GLI2: variants seen among roughly 807,000 people sequenced by gnomAD.
GLI2 encodes GLI family zinc finger 2.
GLI2 carries 22 observed loss-of-function variants against 78.9 expected under a neutral mutation model. The ratio of observed to expected loss-of-function variants is 0.28; its 90% CI spans 0.20 to 0.40. The LOEUF (loss-of-function observed/expected upper bound fraction) is 0.40, where lower values mean the gene tolerates loss of function less well. Ranked by LOEUF, GLI2 falls within the 10% of genes least tolerant of loss-of-function variation. The pLI is 1.00. For missense variants in GLI2, 2,097 were observed against 2,213.2 expected (o/e 0.95, Z 1.05); for synonymous variants, 974 against 963.7 (o/e 1.01, Z -0.20).
chr2:120,770,069 A>G (rs1393423135), intron 1 of GLI2, among the ~76,000 whole-genome samples: 2 of 152,150 alleles, frequency 1.3e-5, no homozygotes, highest in Admixed American at 6.5e-5. Flanking sequence ...CCCAGCCCCT[A>G]GTGATAATCA....
chr2:120,970,309 C>G (rs576176718), intron 6 of GLI2, 84 bp from the exon 7 acceptor site: 2 of 771,158 alleles, frequency 2.6e-6, no homozygotes, highest in East Asian at 5.2e-5. Context: ...ATCCCCTGGG[C>G]AAGGTTCTCT....
intron 7 of GLI2, 92 bp downstream of exon 7, chr2:120,970,698 G>A: frequency 9.0e-7 from 1 of 1,108,582 alleles, no homozygotes; most frequent in Non-Finnish European, 1.3e-6. Flanking sequence ...AACTTGTGGA[G>A]GGCCTCTGGA....
intron 2 of GLI2, among the ~76,000 whole-genome samples, chr2:120,854,109 C>A (rs1036735667): frequency 7.2e-5 from 11 of 152,122 alleles, no homozygotes; most frequent in Admixed American, 1.3e-4. Flanking sequence ...TGGAAAAAAA[C>A]CAGCCAAGAG....
chr2:120,899,596 G>A (rs1028505106), intron 2 of GLI2, among the ~76,000 whole-genome samples: 3 of 152,162 alleles, frequency 2.0e-5, no homozygotes, highest in African/African-American at 7.2e-5. Flanking sequence ...AACTTGCAGT[G>A]AACTGAGGGT....
At chr2:120,965,722 G>A (rs369809063) in intron 5 of GLI2, among the ~76,000 whole-genome samples, 19 of 152,338 alleles carry the variant, frequency 1.2e-4, no homozygotes, top group South Asian at 4.1e-4. Flanking sequence ...CCTGTTTGCC[G>A]TCCAGGATCC....
chr2:120,915,017 C>T (rs1679023139), intron 2 of GLI2, among the ~76,000 whole-genome samples: 1 of 152,224 alleles, frequency 6.6e-6, no homozygotes, highest in African/African-American at 2.4e-5. Flanking sequence ...ACCCAAATGG[C>T]ACGGGGCTGG....
At chr2:120,746,652 C>G (rs980147475) in intron 1 of GLI2, among the ~76,000 whole-genome samples, 5 of 152,090 alleles carry the variant, frequency 3.3e-5, no homozygotes, top group Non-Finnish European at 5.9e-5. Flanking sequence ...TCAAGCAAAC[C>G]TCTTTCTCCT....
At chr2:120,932,000 G>A (rs1679965747) in intron 3 of GLI2, among the ~76,000 whole-genome samples, 1 of 152,158 alleles carries the variant, frequency 6.6e-6, no homozygotes, top group Non-Finnish European at 1.5e-5. Flanking sequence ...AGAGCCTCGG[G>A]GCTGGCCCTG....
At chr2:120,785,125 C>A (rs1683959458) in intron 1 of GLI2, among the ~76,000 whole-genome samples, 1 of 152,158 alleles carries the variant, frequency 6.6e-6, no homozygotes, top group Non-Finnish European at 1.5e-5. Flanking sequence ...GGATCCGGGT[C>A]CCAGACACCT....
intron 4 of GLI2, among the ~76,000 whole-genome samples, chr2:120,952,856 C>G (rs1681063893): frequency 6.6e-6 from 1 of 152,226 alleles, no homozygotes; most frequent in African/African-American, 2.4e-5. Context: ...TGTGAGCCAC[C>G]ATGCCCAGCC....
At chr2:120,975,866 A>C (rs1682433046) in intron 9 of GLI2, among the ~76,000 whole-genome samples, 1 of 152,188 alleles carries the variant, frequency 6.6e-6, no homozygotes, top group South Asian at 2.1e-4. Context: ...GTTCTGAGCA[A>C]GTGACTCCAC....
intron 1 of GLI2, among the ~76,000 whole-genome samples, chr2:120,777,721 G>C (rs561008534): frequency 6.7e-6 from 1 of 149,174 alleles, no homozygotes; most frequent in East Asian, 2.0e-4. Context: ...GCAGAGCCTA[G>C]TGTGGTCAGA....
intron 4 of GLI2, among the ~76,000 whole-genome samples, chr2:120,952,237 T>A (rs1254121424): frequency 6.6e-6 from 1 of 152,176 alleles, no homozygotes; most frequent in Non-Finnish European, 1.5e-5. Context: ...CCACTCATTG[T>A]CCCCATCCTT....
chr2:120,819,759 G>T (rs949466873), intron 2 of GLI2, among the ~76,000 whole-genome samples: 14 of 152,292 alleles, frequency 9.2e-5, no homozygotes, highest in Middle Eastern at 6.8e-3. Flanking sequence ...ATACCCCACT[G>T]GCCAAGCCCC....
chr2:120,787,822 C>A (rs1483347723), intron 1 of GLI2, among the ~76,000 whole-genome samples: 1 of 152,134 alleles, frequency 6.6e-6, no homozygotes. Flanking sequence ...CAGGGCTCTC[C>A]AGGGAGGAAG....
At chr2:120,794,859 C>G (rs1263506232) in intron 1 of GLI2, among the ~76,000 whole-genome samples, 1 of 152,116 alleles carries the variant, frequency 6.6e-6, no homozygotes, top group Non-Finnish European at 1.5e-5. Context: ...CCTGACTCAC[C>G]AGCAAGCAGA....
At chr2:120,794,579 C>T (rs1684297371) in intron 1 of GLI2, among the ~76,000 whole-genome samples, 1 of 151,656 alleles carries the variant, frequency 6.6e-6, no homozygotes, top group South Asian at 2.1e-4. Flanking sequence ...GCTGGTGAGG[C>T]GTGCGAGTGC....
intron 1 of GLI2, among the ~76,000 whole-genome samples, chr2:120,766,384 C>T (rs915145339): frequency 6.6e-6 from 1 of 152,222 alleles, no homozygotes; most frequent in Non-Finnish European, 1.5e-5. Flanking sequence ...ACCCTAGGCT[C>T]CCCACCTGTG....
intron 2 of GLI2, among the ~76,000 whole-genome samples, chr2:120,826,125 G>A (rs904683611): frequency 6.6e-6 from 1 of 152,214 alleles, no homozygotes; most frequent in African/African-American, 2.4e-5. Context: ...CAACCCGGCT[G>A]GGTGGGGTGG....
Sources: allele counts gnomAD v4.1 joint callset (sites outside exome capture counted in the v4.1 genomes callset), GRCh38; gene constraint gnomAD v4.1.1; transcripts MANE v1.5; gene names NCBI Gene and HGNC (gene_info 2026-07-23, HGNC 2026-07-21).